C12orf42: variants seen among roughly 807,000 people sequenced by gnomAD.
The protein encoded by C12orf42 is chromosome 12 open reading frame 42.
In C12orf42, 25 loss-of-function variants were observed where a neutral mutation model predicts 21.6. The observed-to-expected ratio is 1.16, with a 90% CI of 0.84 to 1.62. The LOEUF is 1.62. Among genes scored for constraint, C12orf42 ranks in the 40% most tolerant of loss-of-function variants. The pLI is 0.00. For missense variants in C12orf42, 483 were observed against 459.3 expected (o/e 1.05, Z -0.47); for synonymous variants, 174 against 175.0 (o/e 0.99, Z 0.05).
At chr12:103,053,123 G>T in the C12orf42 span, among the ~76,000 whole-genome samples, 7 of 151,852 alleles carry the variant, frequency 4.6e-5, no homozygotes, top group African/African-American at 1.4e-4. Flanking sequence ...ACAAATCTTT[G>T]CCCTTTGCAT....
At chr12:103,352,956 G>A (rs2043223364) in intron 4 of C12orf42, among the ~76,000 whole-genome samples, 1 of 152,036 alleles carries the variant, frequency 6.6e-6, no homozygotes, top group Admixed American at 6.6e-5. Flanking sequence ...GAGAAGTGTG[G>A]GTTTATCAAA....
chr12:103,474,379 G>T (rs953896708), intron 2 of C12orf42, among the ~76,000 whole-genome samples: 1 of 151,904 alleles, frequency 6.6e-6, no homozygotes, highest in East Asian at 1.9e-4. Context: ...GAGTCTGGCT[G>T]ATTGAATATA....
the C12orf42 span, among the ~76,000 whole-genome samples, chr12:103,555,932 T>C: frequency 6.6e-6 from 1 of 151,582 alleles, no homozygotes; most frequent in South Asian, 2.1e-4. Context: ...GGACAGCAGC[T>C]CCTATCAGCT....
chr12:103,120,079 C>T, the C12orf42 span, among the ~76,000 whole-genome samples: 8 of 152,230 alleles, frequency 5.3e-5, no homozygotes, highest in African/African-American at 9.6e-5. Context: ...CCAGGACATA[C>T]ATACTTAACT....
chr12:103,337,588 G>A (rs1016433371), intron 4 of C12orf42, among the ~76,000 whole-genome samples: 2 of 152,226 alleles, frequency 1.3e-5, no homozygotes, highest in Non-Finnish European at 2.9e-5. Flanking sequence ...TCCTGATCTC[G>A]TGATCTGCCA....
chr12:103,466,823 AG>A lies in C12orf42; in HGVS notation c.78+11525del, dbSNP rs1332834690. 2.6e-5 allele frequency among the ~76,000 whole-genome samples: 4 copies of A among 152,336 alleles called. No homozygotes were observed. In the East Asian group the frequency reaches 7.7e-4, roughly 29 times the overall value. ...AATGCAAACACAAGCATTGGCTTCA[AG>A]GGGAGGCACTATTGGAGTTGTTCAG... is the stretch of plus-strand genomic sequence containing the variant. On this transcript the variant is annotated intron_variant, in intron 2 of 5. Transcript: ENST00000548883.
downstream of C12orf42, among the ~76,000 whole-genome samples, chr12:103,299,952 C>G (rs1304888549): frequency 1.3e-5 from 2 of 152,136 alleles, no homozygotes. Flanking sequence ...AAAATGAGGA[C>G]AAATAAACAG....
the C12orf42 span, among the ~76,000 whole-genome samples, chr12:103,137,884 G>A: frequency 6.6e-6 from 1 of 151,994 alleles, no homozygotes; most frequent in African/African-American, 2.4e-5. Context: ...TGTGGGGGTG[G>A]GGGCATAAAG....
the C12orf42 span, among the ~76,000 whole-genome samples, chr12:103,166,533 A>G: frequency 6.6e-6 from 1 of 152,212 alleles, no homozygotes; most frequent in Non-Finnish European, 1.5e-5. Flanking sequence ...TTATAGTCAC[A>G]TAATAAATGG....
At chr12:103,259,262 G>A (rs1360455272) in intron 10 of C12orf42, among the ~76,000 whole-genome samples, 3 of 152,146 alleles carry the variant, frequency 2.0e-5, no homozygotes, top group Admixed American at 2.0e-4. Flanking sequence ...AGTTCTCCTA[G>A]AGTCAATTTG....
the C12orf42 span, among the ~76,000 whole-genome samples, chr12:103,552,991 C>T: frequency 6.6e-6 from 1 of 152,108 alleles, no homozygotes. Flanking sequence ...GGAAACCAGC[C>T]CCATGTTCCA....
At chr12:103,130,474 T>A in the C12orf42 span, among the ~76,000 whole-genome samples, 1 of 152,056 alleles carries the variant, frequency 6.6e-6, no homozygotes, top group African/African-American at 2.4e-5. Context: ...AACAGCCCTT[T>A]GAATTGGAAG....
At chr12:103,082,695 A>C in the C12orf42 span, among the ~76,000 whole-genome samples, 1 of 152,232 alleles carries the variant, frequency 6.6e-6, no homozygotes, top group Non-Finnish European at 1.5e-5. Context: ...AAAGTATAAT[A>C]ATAAAAAAAG....
At chr12:103,495,533 C>G (rs1041634108) in intron 1 of C12orf42, among the ~76,000 whole-genome samples, 1 of 151,992 alleles carries the variant, frequency 6.6e-6, no homozygotes. Flanking sequence ...GGGCCGCGCT[C>G]GCCTCCGCGG....
At chr12:103,402,199 A>C (rs1204579881) in intron 2 of C12orf42, among the ~76,000 whole-genome samples, 1 of 152,176 alleles carries the variant, frequency 6.6e-6, no homozygotes, top group East Asian at 1.9e-4. Context: ...TCATTGTAGA[A>C]ACCTGTGAAT....
intron 10 of C12orf42, among the ~76,000 whole-genome samples, chr12:103,258,313 A>T (rs2034715093): frequency 1.3e-5 from 2 of 152,052 alleles, no homozygotes; most frequent in African/African-American, 4.8e-5. Context: ...GATATCGTAA[A>T]CTGCCCTAAA....
At chr12:103,360,685 A>G (rs1182595358) in intron 4 of C12orf42, among the ~76,000 whole-genome samples, 1 of 150,580 alleles carries the variant, frequency 6.6e-6, no homozygotes, top group South Asian at 2.1e-4. Flanking sequence ...ATTTACTTTT[A>G]TTGAGTTACC....
chr12:103,509,067 G>A, the C12orf42 span, among the ~76,000 whole-genome samples: 3 of 152,310 alleles, frequency 2.0e-5, no homozygotes, highest in East Asian at 5.8e-4. Context: ...AAGGTGTGCA[G>A]CTAATAGGTG....
At chr12:103,403,475 G>A (rs1428265071) in intron 2 of C12orf42, among the ~76,000 whole-genome samples, 1 of 151,976 alleles carries the variant, frequency 6.6e-6, no homozygotes, top group African/African-American at 2.4e-5. Context: ...ATTCTAAATC[G>A]CCAACATTTG....
Sources: gnomAD v4.1 joint callset for allele counts (sites outside exome capture counted in the v4.1 genomes callset) on GRCh38, gnomAD v4.1.1 for gene constraint, MANE v1.5 for transcripts, NCBI Gene and HGNC (gene_info 2026-07-23, HGNC 2026-07-21) for gene names.